The following GNB1L variants were observed in gnomAD, a reference collection of about 807,000 sequenced individuals.
GNB1L encodes G protein subunit beta 1 like.
GNB1L carries 20 observed loss-of-function variants against 29.1 expected under a neutral mutation model. The ratio of observed to expected loss-of-function variants is 0.69; its 90% CI spans 0.48 to 1.00. The LOEUF is 1.00. Ranked by LOEUF, GNB1L falls within the 50% of genes least tolerant of loss-of-function variation. The probability of loss-of-function intolerance (pLI) is 0.00; values close to 1 mark genes in which losing one functional copy is unlikely to be tolerated. For missense variants in GNB1L, 421 were observed against 464.9 expected, an observed-to-expected ratio of 0.91 and a Z score of 0.87; for synonymous variants, 193 against 206.5, an observed-to-expected ratio of 0.93 and a Z score of 0.56.
intron 4 of GNB1L, among the ~76,000 whole-genome samples, chr22:19,815,924 G>A (rs901674416): frequency 6.6e-6 from 1 of 152,158 alleles, no homozygotes; most frequent in African/African-American, 2.4e-5. Context: ...TTGTGAGAAC[G>A]GCACGAAGAC....
intron 2 of GNB1L, among the ~76,000 whole-genome samples, chr22:19,831,416 T>C (rs1001260529): frequency 8.0e-6 from 1 of 125,114 alleles, no homozygotes; most frequent in Non-Finnish European, 1.7e-5. Context: ...TATAGAAAAA[T>C]AAAAATTTTT....
intron 5 of GNB1L, 31 bp from the exon 6 acceptor site, chr22:19,806,788 C>G: frequency 1.4e-6 from 2 of 1,478,162 alleles, no homozygotes; most frequent in African/African-American, 1.4e-5. Context: ...TGATTTGGGC[C>G]GTCGCCAAGT....
intron 2 of GNB1L, among the ~76,000 whole-genome samples, chr22:19,840,521 C>A (rs114614269): frequency 0.015 from 2,283 of 152,206 alleles, 49 homozygotes; most frequent in African/African-American, 0.051. Flanking sequence ...ATAGAAAATC[C>A]AGGAATGGGC....
chr22:19,847,147 T>C lies in GNB1L; in HGVS notation c.-21+7296A>G, dbSNP rs201184962. 1.1e-4 allele frequency: 109 copies of C among 985,438 alleles called. No homozygotes were observed. In the African/African-American group the frequency reaches 1.8e-3, roughly 17 times the overall value. 61.0% of individuals were successfully genotyped at this position (985,438 alleles called of 1,614,324 possible). A position where few individuals can be genotyped will look rare whatever the true frequency, so the allele number is the denominator to read the frequency against. On this transcript the variant is annotated intron_variant, in intron 2 of 7. Transcript: ENST00000329517. ...ATTACTTGTGGCCTGCTGTGGCCTTTCCCCTGCCTCAGTGAGCATGGAGAA... is the reference window on the plus strand; with the variant it reads ...ATTACTTGTGGCCTGCTGTGGCCTTCCCCCTGCCTCAGTGAGCATGGAGAA...
intron 2 of GNB1L, chr22:19,848,391 G>A (rs901373110): frequency 1.5e-5 from 15 of 985,472 alleles, no homozygotes; most frequent in Non-Finnish European, 1.8e-5. Context: ...CAACCCAGGG[G>A]GAATGCCTCC....
At chr22:19,789,034 C>A in intron 7 of GNB1L, 74 bp from the exon 8 acceptor site, 1 of 1,471,576 alleles carries the variant, frequency 6.8e-7, no homozygotes, top group East Asian at 2.3e-5. Context: ...GCCCCACCTG[C>A]AGCTGGAACC....
chr22:19,809,267 G>C (rs1937471207), intron 5 of GNB1L, among the ~76,000 whole-genome samples: 1 of 151,978 alleles, frequency 6.6e-6, no homozygotes, highest in South Asian at 2.1e-4. Context: ...ATGCTGGCAG[G>C]CCATCAACCA....
chr22:19,848,820 G>A, intron 2 of GNB1L: 1 of 985,254 alleles, frequency 1.0e-6, no homozygotes, highest in Non-Finnish European at 1.2e-6. Flanking sequence ...AGCAATCCCA[G>A]GCTGGAGTAT....
rs766445990 is a variant in GNB1L, at chr22:19,821,242, C to G, written c.114G>C (p.Pro38=). 6 of 1,610,924 alleles carry G rather than the reference C, an allele frequency of 3.7e-6. No individual in the cohort carries two copies. The African/African-American group carries it at 8.0e-5, about 22-fold the overall frequency. ...CAGCTACTCACCCTGAGAAGAGGAG[C>G]GGGCGCCCCTGAGCCTGGGCTCCTT... is the stretch of plus-strand genomic sequence containing the variant. ...FCEGAQAQGR[P]LLFSGSQSGL... Residue 38 remains proline (P), a synonymous_variant, in exon 3 of 8, where the codon CCG becomes CCC. Transcript: ENST00000329517.
At chr22:19,809,425 C>G (rs992405907) in intron 5 of GNB1L, among the ~76,000 whole-genome samples, 1 of 152,172 alleles carries the variant, frequency 6.6e-6, no homozygotes, top group African/African-American at 2.4e-5. Flanking sequence ...CACTCATTCT[C>G]CAAGCCCATG....
At chr22:19,822,732 A>G (rs1278028923) in intron 2 of GNB1L, among the ~76,000 whole-genome samples, 1 of 152,184 alleles carries the variant, frequency 6.6e-6, no homozygotes, top group Non-Finnish European at 1.5e-5. Flanking sequence ...GGACCAGGGC[A>G]GGGGAGATGG....
intron 5 of GNB1L, among the ~76,000 whole-genome samples, chr22:19,808,169 C>T (rs1469741961): frequency 6.6e-6 from 1 of 152,202 alleles, no homozygotes; most frequent in Admixed American, 6.5e-5. Flanking sequence ...AGGGCTTCAG[C>T]CCCACTCAGC....
chr22:19,815,246 G>A (rs1013618062), intron 4 of GNB1L, among the ~76,000 whole-genome samples: 3 of 152,268 alleles, frequency 2.0e-5, no homozygotes, highest in South Asian at 2.1e-4. Flanking sequence ...GTGCAGTTGC[G>A]GTTGTGGTGC....
At chr22:19,815,830 T>C (rs1937521803) in intron 4 of GNB1L, among the ~76,000 whole-genome samples, 1 of 152,150 alleles carries the variant, frequency 6.6e-6, no homozygotes, top group Non-Finnish European at 1.5e-5. Context: ...CACCTCAGCC[T>C]CCCTAAGTGC....
chr22:19,801,472 C>T (rs980562914), intron 7 of GNB1L, among the ~76,000 whole-genome samples: 2 of 152,126 alleles, frequency 1.3e-5, no homozygotes, highest in Non-Finnish European at 2.9e-5. Context: ...CGGTGCCCCT[C>T]GAGCCATGCC....
chr22:19,831,223 G>A (rs993898826), intron 2 of GNB1L, among the ~76,000 whole-genome samples: 2 of 151,750 alleles, frequency 1.3e-5, no homozygotes, highest in Admixed American at 6.6e-5. Flanking sequence ...ATCTGGGCGC[G>A]GTGGCAAGCA....
chr22:19,849,955 T>C (rs1474452625), intron 2 of GNB1L: 2 of 985,326 alleles, frequency 2.0e-6, no homozygotes, highest in African/African-American at 3.5e-5. Flanking sequence ...GTGGAACAGG[T>C]CTTTCTTCAT....
At chr22:19,847,542 C>A in intron 2 of GNB1L, 1 of 985,390 alleles carries the variant, frequency 1.0e-6, no homozygotes, top group Non-Finnish European at 1.2e-6. Context: ...AGGTAAGGAC[C>A]CTCAGCTCAT....
Position 19,788,848 on chromosome 22 carries a change from C to T in GNB1L, c.845G>A (p.Trp282Ter). Reference sequence around the variant, plus strand: ...CACGGCCAGTGGCTGCATCGTCCGCCAGTGGAACACGCGGATGCGGTGGTC... The same window carrying T: ...CACGGCCAGTGGCTGCATCGTCCGCTAGTGGAACACGCGGATGCGGTGGTC... ...GWDHRIRVFH[W>*]RTMQPLAVLA... Residue 282 changes from tryptophan (W) to a stop codon, truncating the protein, a stop_gained, in exon 8 of 8, where the codon TGG (tryptophan) becomes TAG (stop). Transcript: ENST00000329517. LOFTEE classifies it high-confidence loss of function. 6.2e-7 allele frequency: 1 copy of T among 1,612,784 alleles called. No individual in the cohort carries two copies. The highest frequency in any genetic ancestry group is 8.5e-7 in the Non-Finnish European group (1 of 1,179,930).
Sources: gnomAD v4.1 joint callset for allele counts (sites outside exome capture counted in the v4.1 genomes callset) on GRCh38, gnomAD v4.1.1 for gene constraint, MANE v1.5 for transcripts, NCBI Gene and HGNC (gene_info 2026-07-23, HGNC 2026-07-21) for gene names.